The following CD96 variants were observed in gnomAD, a reference collection of about 807,000 sequenced individuals.
The protein encoded by CD96 is CD96 molecule.
A neutral mutation model predicts 71.3 loss-of-function variants in CD96; 70 were observed. The observed-to-expected ratio is 0.98, with a 90% CI of 0.81 to 1.20. The LOEUF is 1.20. CD96 is among the 50% of genes most tolerant of loss of function. The pLI, the probability that CD96 is intolerant of heterozygous loss-of-function variation, is 0.00. For synonymous variants in CD96, 248 were observed against 233.0 expected (o/e 1.06, Z -0.59); for missense variants, 742 against 677.5 (o/e 1.10, Z -1.06).
chr3:111,663,843 G>A (rs1226027943), intron 14 of CD96, among the ~76,000 whole-genome samples: 1 of 151,280 alleles, frequency 6.6e-6, no homozygotes, highest in Non-Finnish European at 1.5e-5. Flanking sequence ...CCACCTCCCG[G>A]GTTCACGCCA....
chr3:111,630,082 T>G (rs891590762), intron 10 of CD96, among the ~76,000 whole-genome samples: 4 of 151,960 alleles, frequency 2.6e-5, no homozygotes, highest in Non-Finnish European at 4.4e-5. Context: ...AGTTAACAAC[T>G]AACATCACAA....
At chr3:111,630,130 A>G (rs1938984866) in intron 10 of CD96, among the ~76,000 whole-genome samples, 1 of 152,168 alleles carries the variant, frequency 6.6e-6, no homozygotes, top group South Asian at 2.1e-4. Flanking sequence ...ACAAACCCCA[A>G]AGCTAGCAGA....
intron 8 of CD96, among the ~76,000 whole-genome samples, chr3:111,620,408 G>A (rs1938462294): frequency 2.0e-5 from 3 of 152,248 alleles, no homozygotes; most frequent in Admixed American, 2.0e-4. Flanking sequence ...TCAGGTCATG[G>A]AATGTGAAGG....
At chr3:111,608,374 A>G (rs570072357) in intron 8 of CD96, among the ~76,000 whole-genome samples, 2 of 152,376 alleles carry the variant, frequency 1.3e-5, no homozygotes, top group South Asian at 2.1e-4. Flanking sequence ...CACTAGGTCC[A>G]TCTTATACTC....
intron 3 of CD96, among the ~76,000 whole-genome samples, chr3:111,576,564 C>T (rs2107576385): frequency 6.6e-6 from 1 of 152,222 alleles, no homozygotes; most frequent in East Asian, 1.9e-4. Context: ...GTATCTGAGA[C>T]TTATTTGTCC....
chr3:111,567,717 A>G, intron 3 of CD96, 70 bp downstream of exon 3: 3 of 1,321,636 alleles, frequency 2.3e-6, no homozygotes, highest in East Asian at 4.6e-5. Flanking sequence ...ATGAATAAGC[A>G]GTAATAATAG....
chr3:111,636,982 A>T (rs1939360848), intron 10 of CD96, among the ~76,000 whole-genome samples: 1 of 152,130 alleles, frequency 6.6e-6, no homozygotes, highest in African/African-American at 2.4e-5. Context: ...GGCCATAATT[A>T]AAACCTTCCC....
intron 8 of CD96, among the ~76,000 whole-genome samples, chr3:111,618,943 C>T (rs1484231461): frequency 6.6e-6 from 1 of 151,978 alleles, no homozygotes; most frequent in Non-Finnish European, 1.5e-5. Context: ...TCACTTGCTT[C>T]TTTTATTTGG....
intron 3 of CD96, chr3:111,577,487 G>A: frequency 1.3e-6 from 2 of 1,584,522 alleles, no homozygotes. Context: ...TTCTTCTTTT[G>A]CTCTTCTTCC....
intron 10 of CD96, among the ~76,000 whole-genome samples, chr3:111,630,482 C>A (rs112967086): frequency 6.6e-6 from 1 of 152,214 alleles, no homozygotes; most frequent in African/African-American, 2.4e-5. Context: ...CCTGAATAGA[C>A]CAATAACAAG....
chr3:111,625,101 T>G (rs546272560), intron 10 of CD96, among the ~76,000 whole-genome samples: 1 of 152,368 alleles, frequency 6.6e-6, no homozygotes, highest in Non-Finnish European at 1.5e-5. Flanking sequence ...GCGTAATGTG[T>G]ATGTCCCTTT....
chr3:111,647,785 C>T lies in CD96; in HGVS notation c.1601+119C>T. The T allele has an allele frequency of 4.0e-6, 3 of 756,366 alleles. No individual in the cohort carries two copies. The South Asian group carries it at 4.5e-5, about 11-fold the overall frequency. 46.9% of individuals were successfully genotyped at this position (756,366 alleles called of 1,614,324 possible). ...CATATTTTAATGGGGAAATAATGCTCACAGAAGCTCAGAGAGATTATATAG... is the reference window on the plus strand; with the variant it reads ...CATATTTTAATGGGGAAATAATGCTTACAGAAGCTCAGAGAGATTATATAG... On this transcript the variant is annotated intron_variant, in intron 13 of 13. Coordinates refer to ENST00000352690, the MANE Select transcript of CD96 (RefSeq NM_005816.5).
rs184560887 is a variant in CD96, at chr3:111,603,127, A to G, written c.1087+2213A>G. On this transcript the variant is annotated intron_variant, in intron 7 of 13. Coordinates refer to ENST00000352690, the MANE Select transcript of CD96 (RefSeq NM_005816.5). ...ATTCCCATGATCCACAGTAACTACCACTAAGAAAAAAAAGCCTTTCAAAAA... is the reference window on the plus strand; with the variant it reads ...ATTCCCATGATCCACAGTAACTACCGCTAAGAAAAAAAAGCCTTTCAAAAA... Among the ~76,000 whole-genome samples the G allele has an allele frequency of 1.1e-4, 16 of 152,208 alleles. No individual in the cohort carries two copies. The East Asian group carries it at 3.1e-3, about 29-fold the overall frequency.
intron 7 of CD96, 68 bp from the exon 8 acceptor site, chr3:111,606,632 C>T: frequency 3.6e-6 from 3 of 841,010 alleles, no homozygotes; most frequent in Admixed American, 1.7e-5. Flanking sequence ...TATTTAAGAA[C>T]TAAGTCAATA....
chr3:111,544,936 A>G (rs565174583), intron 1 of CD96, 110 bp from the exon 2 acceptor site: 223 of 853,560 alleles, frequency 2.6e-4, no homozygotes, highest in Admixed American at 2.1e-3. Context: ...GCAGCCAGGG[A>G]GAAATTTCCT....
chr3:111,601,975 A>G (rs997355325), intron 7 of CD96, among the ~76,000 whole-genome samples: 1 of 152,146 alleles, frequency 6.6e-6, no homozygotes, highest in Non-Finnish European at 1.5e-5. Flanking sequence ...GTCTGTGTAT[A>G]TGTATATGTA....
chr3:111,564,613 G>A (rs1471682353), intron 2 of CD96, among the ~76,000 whole-genome samples: 1 of 151,948 alleles, frequency 6.6e-6, no homozygotes, highest in East Asian at 1.9e-4. Flanking sequence ...GAATAATTTG[G>A]CTATAGTTTT....
chr3:111,601,189 CTTAA>C (rs753434044), intron 7 of CD96, among the ~76,000 whole-genome samples: 81 of 152,126 alleles, frequency 5.3e-4, no homozygotes, highest in Admixed American at 1.2e-3. Context: ...CATCATAACT[CTTAA>C]TTAGTTAGCA....
chr3:111,565,887 GA>G (rs1200196637), intron 2 of CD96, among the ~76,000 whole-genome samples: 1 of 151,610 alleles, frequency 6.6e-6, no homozygotes, highest in Non-Finnish European at 1.5e-5. Context: ...AAAGGAGGAG[GA>G]AAGAGTTATT....
Sources: allele counts gnomAD v4.1 joint callset (sites outside exome capture counted in the v4.1 genomes callset), GRCh38; gene constraint gnomAD v4.1.1; transcripts MANE v1.5; gene names NCBI Gene and HGNC (gene_info 2026-07-23, HGNC 2026-07-21).